LTA4H: variants seen among roughly 807,000 people sequenced by gnomAD.
The protein encoded by LTA4H is leukotriene A-4 hydrolase.
Under a neutral mutation model 89.8 loss-of-function variants are expected in LTA4H, and 59 were observed. That is an observed-to-expected ratio of 0.66 (90% CI 0.53 to 0.82). LTA4H has a LOEUF of 0.82. Among genes scored for constraint, LTA4H ranks in the 40% least tolerant of loss-of-function variants. The pLI is 0.00. For synonymous variants in LTA4H, 227 were observed against 253.1 expected (o/e 0.90, Z 0.98); for missense variants, 617 against 727.0 (o/e 0.85, Z 1.74).
upstream of LTA4H, among the ~76,000 whole-genome samples, chr12:96,036,094 C>CA (rs1336573078): frequency 1.3e-5 from 2 of 150,814 alleles, no homozygotes; most frequent in African/African-American, 2.4e-5. Context: ...GACGGGGAGG[C>CA]ACAGTAATTG....
At chr12:96,005,067 G>A (rs1184264704) in intron 16 of LTA4H, among the ~76,000 whole-genome samples, 1 of 152,088 alleles carries the variant, frequency 6.6e-6, no homozygotes, top group East Asian at 1.9e-4. Flanking sequence ...AAGGTCCTTA[G>A]ACTGAAGACT....
chr12:96,025,598 A>C lies in LTA4H; in HGVS notation c.412-1051T>G, dbSNP rs187367675. On this transcript the variant is annotated intron_variant, in intron 3 of 18. Coordinates refer to ENST00000228740, the MANE Select transcript of LTA4H (RefSeq NM_000895.3). ...GCAATCCCAGCACTTTGGGAGGCTC[A>C]GATGAGAGGATTGCTTGAGCTCTAG... Among the ~76,000 whole-genome samples, 538 of 152,306 alleles carry C rather than the reference A, an allele frequency of 3.5e-3. 11 individuals are homozygous for C. The highest frequency in any genetic ancestry group is 9.7e-4 in the Non-Finnish European group (66 of 68,024).
At position 96,027,519 on chromosome 12, in the gene LTA4H, T is replaced by C; in HGVS notation, c.336A>G (p.Lys112=). ...GAGTGAGCCACTGGAGAGCAGAAGA[T>C]TTTGGAGAGGTCTCAAAAGAAATTT... ...VIEISFETSP[K]SSALQWLTPE... The change falls in exon 3 of 19, where the codon AAA becomes AAG. Residue 112 remains lysine (K), a synonymous_variant. Transcript: ENST00000228740. 4.3e-6 allele frequency: 7 copies of C among 1,609,284 alleles called. No homozygotes were observed. The highest frequency in any genetic ancestry group is 6.0e-6 in the Non-Finnish European group (7 of 1,176,048).
intron 13 of LTA4H, among the ~76,000 whole-genome samples, chr12:96,013,545 C>A (rs957461844): frequency 2.6e-5 from 4 of 152,122 alleles, no homozygotes; most frequent in African/African-American, 9.7e-5. Flanking sequence ...CATCACCATA[C>A]TATTGATGAC....
intron 3 of LTA4H, among the ~76,000 whole-genome samples, chr12:96,027,038 T>C (rs1403116492): frequency 6.6e-6 from 1 of 152,176 alleles, no homozygotes; most frequent in Non-Finnish European, 1.5e-5. Flanking sequence ...CTCTGGGCAA[T>C]GGTGTCTGGA....
intron 1 of LTA4H, among the ~76,000 whole-genome samples, chr12:96,042,203 A>G (rs1052120872): frequency 6.6e-6 from 1 of 151,800 alleles, no homozygotes; most frequent in Non-Finnish European, 1.5e-5. Flanking sequence ...GGGTTTTGCC[A>G]TGTTGCCCAG....
chr12:96,020,038 G>C (rs1032902741), intron 6 of LTA4H, among the ~76,000 whole-genome samples: 4 of 151,838 alleles, frequency 2.6e-5, no homozygotes, highest in African/African-American at 9.7e-5. Flanking sequence ...TGAGTAGCTG[G>C]GACTACAGGC....
chr12:96,035,308 C>A (rs1950627043), intron 1 of LTA4H, 53 bp downstream of exon 1: 3 of 1,553,774 alleles, frequency 1.9e-6, no homozygotes, highest in East Asian at 4.7e-5. Flanking sequence ...GGACTAGGGT[C>A]GAGGGGCAGG....
intron 1 of LTA4H, among the ~76,000 whole-genome samples, chr12:96,035,114 AC>A (rs1288306616): frequency 6.6e-6 from 1 of 152,172 alleles, no homozygotes; most frequent in African/African-American, 2.4e-5. Context: ...GAGGAGACAT[AC>A]GTATAAGTGG....
upstream of LTA4H, among the ~76,000 whole-genome samples, chr12:96,037,692 C>CCTTTTTTTTTTT (rs1566021042): frequency 8.8e-6 from 1 of 114,192 alleles, no homozygotes; most frequent in Non-Finnish European, 1.7e-5. Context: ...ATTGAGAAAG[C>CCTTTTTTTTTTT]TTTTTTTTTT....
At chr12:96,008,223 C>T (rs1025356249) in intron 15 of LTA4H, among the ~76,000 whole-genome samples, 3 of 152,114 alleles carry the variant, frequency 2.0e-5, no homozygotes, top group Non-Finnish European at 4.4e-5. Context: ...AATGATAAAT[C>T]TGTTGCAAAT....
chr12:96,001,446 G>C (rs1418015816), intron 18 of LTA4H, among the ~76,000 whole-genome samples: 1 of 152,100 alleles, frequency 6.6e-6, no homozygotes, highest in Non-Finnish European at 1.5e-5. Context: ...GAGTGGCTGG[G>C]ACCCGTGGCT....
chr12:96,032,658 G>T (rs1429169026), intron 1 of LTA4H, among the ~76,000 whole-genome samples: 1 of 152,158 alleles, frequency 6.6e-6, no homozygotes, highest in East Asian at 1.9e-4. Context: ...TTATAAACAT[G>T]TTATTTTGTA....
At chr12:96,041,403 T>C (rs1002871188) in intron 1 of LTA4H, among the ~76,000 whole-genome samples, 7 of 152,176 alleles carry the variant, frequency 4.6e-5, no homozygotes, top group Non-Finnish European at 1.0e-4. Flanking sequence ...TTAAACAGAA[T>C]GGTTTCCTCC....
intron 16 of LTA4H, among the ~76,000 whole-genome samples, chr12:96,005,278 C>G (rs760672798): frequency 5.3e-5 from 8 of 152,106 alleles, no homozygotes; most frequent in Admixed American, 5.2e-4. Context: ...ACGTCCTGTT[C>G]TCTCCTCTCC....
At chr12:96,035,330 A>T in intron 1 of LTA4H, 31 bp downstream of exon 1, 1 of 1,573,458 alleles carries the variant, frequency 6.4e-7, no homozygotes, top group Non-Finnish European at 8.7e-7. Context: ...AGCCCGGGAG[A>T]GGCGGGCACT....
At chr12:96,043,184 CA>C (rs1252678490) in intron 1 of LTA4H, 2 of 801,778 alleles carry the variant, frequency 2.5e-6, no homozygotes, top group African/African-American at 3.4e-5. Context: ...CAGTAGTTGG[CA>C]AAGTGAGAAC....
intron 16 of LTA4H, 102 bp downstream of exon 16, chr12:96,006,212 C>T: frequency 5.0e-6 from 3 of 594,068 alleles, no homozygotes; most frequent in South Asian, 2.5e-5. Context: ...GATTTTTTCC[C>T]CATTAGTTTC....
At position 96,022,744 on chromosome 12, in the gene LTA4H, G is replaced by A. The variant is rs1950468516; in HGVS notation, c.481-493C>T. Among the ~76,000 whole-genome samples the A allele has an allele frequency of 6.6e-6, 1 of 152,076 alleles. No homozygotes were observed. The highest frequency in any genetic ancestry group is 1.5e-5 in the Non-Finnish European group (1 of 68,016). On this transcript the variant is annotated intron_variant, in intron 4 of 18. Coordinates refer to ENST00000228740, the MANE Select transcript of LTA4H (RefSeq NM_000895.3). This position sits in a 1 kb window ranked among gnomAD's most constrained non-coding sequence, Gnocchi z 4.0. ...AGTAAGTGTAAAACTTCAAAGGCTT[G>A]CTGCAAGGAATAAATAATATAAGTG...
Sources: gnomAD v4.1 joint callset for allele counts (sites outside exome capture counted in the v4.1 genomes callset) on GRCh38, gnomAD v4.1.1 for gene constraint, Gnocchi (gnomAD v3.1) non-coding constraint, MANE v1.5 for transcripts, NCBI Gene and HGNC (gene_info 2026-07-23, HGNC 2026-07-21) for gene names.